The following PDE7B variants were observed in gnomAD, a reference collection of about 807,000 sequenced individuals.
PDE7B encodes the protein 3',5'-cyclic-AMP phosphodiesterase 7B.
In PDE7B, 29 loss-of-function variants were observed where a neutral mutation model predicts 56.2. The observed-to-expected ratio is 0.52, with a 90% CI of 0.38 to 0.70. PDE7B has a LOEUF of 0.70. Ranked by LOEUF, PDE7B falls within the 30% of genes least tolerant of loss-of-function variation. The pLI, the probability that PDE7B is intolerant of heterozygous loss-of-function variation, is 0.00. For missense variants in PDE7B, 490 were observed against 565.0 expected, an observed-to-expected ratio of 0.87 and a Z score of 1.35; for synonymous variants, 197 against 196.9, an observed-to-expected ratio of 1.00 and a Z score of 0.00.
chr6:136,052,617 G>GCCCCCCC (rs11400308), intron 2 of PDE7B, among the ~76,000 whole-genome samples: 112 of 142,698 alleles, frequency 7.8e-4, no homozygotes, highest in African/African-American at 9.9e-4. Context: ...TTAGGGTACA[G>GCCCCCCC]CCCCCCCCCA....
intron 2 of PDE7B, among the ~76,000 whole-genome samples, chr6:136,028,200 C>G (rs1441107898): frequency 6.6e-6 from 1 of 152,194 alleles, no homozygotes; most frequent in Non-Finnish European, 1.5e-5. Flanking sequence ...TCAACAGCCT[C>G]TGCAATCCAA....
intron 2 of PDE7B, among the ~76,000 whole-genome samples, chr6:136,088,714 G>T (rs1377366492): frequency 1.3e-5 from 2 of 151,976 alleles, no homozygotes; most frequent in Non-Finnish European, 2.9e-5. Context: ...AAAGGTACAG[G>T]GTTCCTTTTT....
At chr6:136,094,934 G>A (rs548293951) in intron 2 of PDE7B, 149 of 152,230 alleles carry the variant, frequency 9.8e-4, no homozygotes, top group African/African-American at 3.4e-3. Flanking sequence ...ATGGAGCTAG[G>A]GGATCTCTAA....
intron 3 of PDE7B, among the ~76,000 whole-genome samples, chr6:136,135,563 A>T (rs1286665517): frequency 6.6e-6 from 1 of 152,096 alleles, no homozygotes; most frequent in Non-Finnish European, 1.5e-5. Context: ...TTTGGTTGTC[A>T]TCAGTTTCTA....
At chr6:135,974,148 T>C (rs1388694505) in intron 2 of PDE7B, among the ~76,000 whole-genome samples, 1 of 152,196 alleles carries the variant, frequency 6.6e-6, no homozygotes, top group Admixed American at 6.5e-5. Context: ...ACTGATCATC[T>C]ATAACAATAG....
chr6:136,147,323 A>C (rs1778432154), intron 3 of PDE7B, 28 bp from the exon 4 acceptor site: 1 of 1,551,008 alleles, frequency 6.4e-7, no homozygotes, highest in Non-Finnish European at 8.8e-7. Context: ...TAAATATATA[A>C]ATTTCTTGAC....
chr6:136,133,115 A>G (rs1231204586), intron 3 of PDE7B, among the ~76,000 whole-genome samples: 1 of 152,188 alleles, frequency 6.6e-6, no homozygotes, highest in African/African-American at 2.4e-5. Context: ...AAGAAAAAGG[A>G]ATTAGCTTCC....
intron 2 of PDE7B, among the ~76,000 whole-genome samples, chr6:135,963,980 G>A (rs1043765697): frequency 3.9e-5 from 6 of 152,170 alleles, no homozygotes; most frequent in African/African-American, 9.7e-5. Flanking sequence ...GAACTTTCCC[G>A]AGGACAAAGA....
At chr6:135,977,237 C>A (rs547739618) in intron 2 of PDE7B, among the ~76,000 whole-genome samples, 3 of 151,990 alleles carry the variant, frequency 2.0e-5, no homozygotes, top group Non-Finnish European at 2.9e-5. Flanking sequence ...AGGCTGAGGG[C>A]GCTAATGATG....
At chr6:136,087,991 C>G (rs1583874159) in intron 2 of PDE7B, among the ~76,000 whole-genome samples, 1 of 152,160 alleles carries the variant, frequency 6.6e-6, no homozygotes, top group Non-Finnish European at 1.5e-5. Flanking sequence ...AAGCCTTTTT[C>G]TCTAAATCAC....
intron 2 of PDE7B, among the ~76,000 whole-genome samples, chr6:135,983,205 G>A (rs1283275819): frequency 6.6e-6 from 1 of 152,156 alleles, no homozygotes; most frequent in Non-Finnish European, 1.5e-5. Context: ...TTGGGGTCTG[G>A]AGAAACCGTG....
At chr6:136,048,335 C>T (rs998667207) in intron 2 of PDE7B, among the ~76,000 whole-genome samples, 24 of 152,030 alleles carry the variant, frequency 1.6e-4, no homozygotes, top group African/African-American at 5.3e-4. Flanking sequence ...ACCAGCCTGG[C>T]CAACATGGTG....
At position 136,071,740 on chromosome 6, in the gene PDE7B, C is replaced by T. The variant is rs117064956; in HGVS notation, c.83-36991C>T. Among the ~76,000 whole-genome samples, 31 of 152,288 alleles carry T rather than the reference C, an allele frequency of 2.0e-4. No homozygotes were observed. The East Asian group carries it at 4.2e-3, about 21-fold the overall frequency. ...GCCAAAAGTTCGAGGCTTCACTGAG[C>T]TATGATCACACCACTGCACTCCAGC... On this transcript the variant is annotated intron_variant, in intron 2 of 12. Transcript: ENST00000308191.
At chr6:135,866,087 T>A (rs1010667680) in intron 1 of PDE7B, among the ~76,000 whole-genome samples, 1 of 152,164 alleles carries the variant, frequency 6.6e-6, no homozygotes, top group African/African-American at 2.4e-5. Flanking sequence ...ATCATTAACT[T>A]TAAAAAACAA....
chr6:135,964,889 C>T (rs1200960463), intron 2 of PDE7B, among the ~76,000 whole-genome samples: 1 of 152,218 alleles, frequency 6.6e-6, no homozygotes, highest in Non-Finnish European at 1.5e-5. Flanking sequence ...TGCCTGTAAT[C>T]CCAGCACTTT....
chr6:135,917,606 T>TG (rs1426546994), intron 1 of PDE7B, among the ~76,000 whole-genome samples: 1 of 143,178 alleles, frequency 7.0e-6, no homozygotes, highest in African/African-American at 2.6e-5. Context: ...TTGTTGTTGT[T>TG]TTTTTTTTAT....
intron 4 of PDE7B, 46 bp downstream of exon 4, chr6:136,147,548 G>T: frequency 6.4e-7 from 1 of 1,562,766 alleles, no homozygotes; most frequent in Non-Finnish European, 8.8e-7. Context: ...GTGGCCAAGA[G>T]CATGTGCCTC....
intron 3 of PDE7B, among the ~76,000 whole-genome samples, chr6:136,131,801 C>T (rs141565936): frequency 5.9e-5 from 9 of 152,188 alleles, no homozygotes; most frequent in Non-Finnish European, 1.0e-4. Flanking sequence ...TACATAGAAT[C>T]GCTTCCAACC....
intron 2 of PDE7B, among the ~76,000 whole-genome samples, chr6:136,077,201 G>A (rs949824691): frequency 2.0e-5 from 3 of 152,064 alleles, no homozygotes; most frequent in Non-Finnish European, 4.4e-5. Flanking sequence ...GCTATAGGAA[G>A]TAGACCTATA....
Sources: allele counts gnomAD v4.1 joint callset (sites outside exome capture counted in the v4.1 genomes callset), GRCh38; gene constraint gnomAD v4.1.1; transcripts MANE v1.5; gene names NCBI Gene and HGNC (gene_info 2026-07-23, HGNC 2026-07-21).